The following ABCA12 variants were observed in gnomAD, a reference collection of about 807,000 sequenced individuals.
ABCA12 encodes the protein glucosylceramide transporter ABCA12.
A neutral mutation model predicts 293.5 loss-of-function variants in ABCA12; 156 were observed. The observed-to-expected ratio is 0.53, with a 90% CI of 0.47 to 0.61. ABCA12 has a LOEUF of 0.61. Among genes scored for constraint, ABCA12 ranks in the 20% least tolerant of loss-of-function variants. The probability of loss-of-function intolerance (pLI) is 0.00; values close to 1 mark genes in which losing one functional copy is unlikely to be tolerated. For missense variants in ABCA12, 2,797 were observed against 3,090.2 expected, an observed-to-expected ratio of 0.91 and a Z score of 2.25; for synonymous variants, 1,063 against 1,108.0, an observed-to-expected ratio of 0.96 and a Z score of 0.81.
chr2:214,963,087 G>GAT (rs1373174718), intron 39 of ABCA12: 1 of 151,896 alleles, frequency 6.6e-6, no homozygotes, highest in African/African-American at 2.4e-5. Flanking sequence ...AACTGAAGGA[G>GAT]ATAGAGACAC....
intron 2 of ABCA12, among the ~76,000 whole-genome samples, chr2:215,104,003 G>A (rs184481185): frequency 1.9e-3 from 290 of 152,084 alleles, no homozygotes; most frequent in Middle Eastern, 0.01. Context: ...ATGTTATAAA[G>A]ATGTTATAAA....
At chr2:215,117,555 A>G (rs1031585711) in intron 1 of ABCA12, among the ~76,000 whole-genome samples, 51 of 152,336 alleles carry the variant, frequency 3.3e-4, no homozygotes, top group African/African-American at 1.2e-3. Context: ...CAAATTTCAA[A>G]AACCCGATGT....
In ABCA12 at chr2:215,087,487, C is replaced by CGTGTGTGTGT. The variant is rs3050135; in HGVS notation, c.164-23278_164-23269dup. Among the ~76,000 whole-genome samples the CGTGTGTGTGT allele has an allele frequency of 6.6e-4, 98 of 149,614 alleles. 1 individual carries two copies. The highest frequency in any genetic ancestry group is 1.7e-3 in the African/African-American group (70 of 40,798). Reference sequence around the variant, plus strand: ...CTTACCTAAATGTGCATACAGGCTTCGTGTGTGTGTGTGTGTGTGTGCATG... The same window carrying CGTGTGTGTGT: ...CTTACCTAAATGTGCATACAGGCTTCGTGTGTGTGTGTGTGTGTGTGTGTGTGTGTGCATG... On this transcript the variant is annotated intron_variant, in intron 2 of 52. Coordinates refer to ENST00000272895, the MANE Select transcript of ABCA12 (RefSeq NM_173076.3).
intron 2 of ABCA12, among the ~76,000 whole-genome samples, chr2:215,106,313 C>T (rs1702463541): frequency 6.6e-6 from 1 of 151,444 alleles, no homozygotes; most frequent in South Asian, 2.1e-4. Context: ...TTTTTTTTTC[C>T]CAGAGCTACT....
chr2:214,946,145 T>C (rs1179697141), intron 48 of ABCA12, among the ~76,000 whole-genome samples: 1 of 152,122 alleles, frequency 6.6e-6, no homozygotes, highest in Non-Finnish European at 1.5e-5. Flanking sequence ...GATTTGATCA[T>C]TACATATTGT....
At chr2:215,114,941 G>A (rs921153591) in intron 1 of ABCA12, among the ~76,000 whole-genome samples, 39 of 152,176 alleles carry the variant, frequency 2.6e-4, no homozygotes, top group African/African-American at 8.4e-4. Context: ...CGAGATCAAC[G>A]ATAACAACAT....
At chr2:215,052,442 C>T (rs764934448) in intron 5 of ABCA12, 45 bp downstream of exon 5, 6 of 1,478,104 alleles carry the variant, frequency 4.1e-6, no homozygotes, top group Non-Finnish European at 5.7e-6. Context: ...ACCTAAAAGG[C>T]CTATGTTGAA....
chr2:214,984,612 ACCGAGCTCATGAT>A (rs1699745365), intron 28 of ABCA12, among the ~76,000 whole-genome samples: 2 of 152,042 alleles, frequency 1.3e-5, no homozygotes, highest in African/African-American at 4.8e-5. Flanking sequence ...TATGTTTAAA[ACCGAGCTCATGAT>A]CTTTACCCTA....
chr2:215,007,164 C>T (rs1457410253), intron 19 of ABCA12, among the ~76,000 whole-genome samples: 7 of 152,100 alleles, frequency 4.6e-5, no homozygotes, highest in Non-Finnish European at 8.8e-5. Context: ...CGTGAGCTAC[C>T]GCACCTGGCC....
intron 39 of ABCA12, among the ~76,000 whole-genome samples, chr2:214,961,229 G>C (rs890465076): frequency 6.6e-6 from 1 of 152,002 alleles, no homozygotes; most frequent in African/African-American, 2.4e-5. Flanking sequence ...TACCACTTCC[G>C]TAAGTCTATT....
chr2:214,954,076 C>A lies in ABCA12; in HGVS notation c.6425G>T (p.Arg2142Leu). Reference protein sequence around the residue: ...TLELISETLKRIFLIFPQFCF... With the variant: ...TLELISETLKLIFLIFPQFCF... The stretch of plus-strand genomic sequence containing the variant: ...GAATTGTGGGAAAATCAGGAAAATG[C>A]GCTTGAGGGTTTCAGAAATAAGTTC... The change falls in exon 44 of 53, where the codon CGC (arginine) becomes CTC (leucine). Residue 2142 changes from arginine to leucine, a missense_variant. This residue lies in a region of ABCA12 where 2,130 missense variants were observed against 2,427.0 expected (regional missense o/e 0.88). Transcript: ENST00000272895. The A allele has an allele frequency of 6.2e-7, 1 of 1,613,708 alleles. No individual in the cohort carries two copies. The highest frequency in any genetic ancestry group is 8.5e-7 in the Non-Finnish European group (1 of 1,179,908).
rs751968491 is a variant in ABCA12 at position 215,026,828 on chromosome 2, C to A, written c.1172G>T (p.Gly391Val). The A allele has an allele frequency of 3.7e-6, 6 of 1,603,854 alleles. No individual in the cohort carries two copies. Among genetic ancestry groups the A allele is most frequent in the Non-Finnish European group, 2.6e-6 (3 of 1,170,902 alleles). Residue 391 changes from glycine (G) to valine (V), a missense_variant, in exon 10 of 53, where the codon GGT (glycine) becomes GTT (valine). Coordinates refer to ENST00000272895, the MANE Select transcript of ABCA12 (RefSeq NM_173076.3). ...GTTAAGAACAGTATTACCTGGTGAACCTCTGGCCAAACTGTCAGTCACATT... is the reference window on the plus strand; with the variant it reads ...GTTAAGAACAGTATTACCTGGTGAAACTCTGGCCAAACTGTCAGTCACATT... ...VRNVTDSLAR[G>V]SPENLRLLQS... is the part of the protein sequence containing the mutation.
At chr2:215,075,909 A>T (rs562079922) in intron 2 of ABCA12, among the ~76,000 whole-genome samples, 1 of 152,308 alleles carries the variant, frequency 6.6e-6, no homozygotes, top group South Asian at 2.1e-4. Flanking sequence ...GCAGAAGCTT[A>T]GTCACTTCTT....
At position 214,953,829 on chromosome 2, in the gene ABCA12, A is replaced by G. The variant is rs372815657; in HGVS notation, c.6647+25T>C. The G allele has an allele frequency of 1.9e-6, 3 of 1,610,318 alleles. No homozygotes were observed. In the African/African-American group the frequency reaches 4.0e-5, roughly 22 times the overall value. On this transcript the variant is annotated intron_variant, in intron 44 of 52. Transcript: ENST00000272895. ...GAATTGAGTTCTGTTTTAGATGTCA[A>G]ACGTTATGTTTTCATTATATTTACC...
chr2:214,958,921 T>C lies in ABCA12; in HGVS notation c.5939+103A>G, dbSNP rs372875277. ...GTGACATATTACCAGCCCTTCTAGA[T>C]TGACATTCATTCAGATACAACTGTG... On this transcript the variant is annotated intron_variant, in intron 40 of 52. Coordinates refer to ENST00000272895, the MANE Select transcript of ABCA12 (RefSeq NM_173076.3). 2.4e-4 allele frequency: 293 copies of C among 1,215,518 alleles called. 1 individual carries two copies. Among genetic ancestry groups the C allele is most frequent in the Middle Eastern group, 3.8e-4 (2 of 5,274 alleles). The allele number at this position is 1,215,518 out of a possible 1,614,324, so 75.3% of individuals were successfully genotyped here.
intron 9 of ABCA12, among the ~76,000 whole-genome samples, chr2:215,029,895 G>A (rs896617525): frequency 1.3e-5 from 2 of 152,114 alleles, no homozygotes; most frequent in East Asian, 1.9e-4. Context: ...AAAATAATTA[G>A]GAGAAAGTAG....
intron 14 of ABCA12, 101 bp from the exon 15 acceptor site, chr2:215,015,764 A>C (rs1700480717): frequency 3.7e-6 from 4 of 1,073,514 alleles, no homozygotes; most frequent in Middle Eastern, 2.9e-4. Context: ...AAACTAAAAC[A>C]AAAGGTCCTC....
chr2:215,011,761 ATTCC>A, intron 16 of ABCA12, 112 bp from the exon 17 acceptor site: 1 of 1,201,616 alleles, frequency 8.3e-7, no homozygotes, highest in South Asian at 1.2e-5. Flanking sequence ...AGTTTCCATA[ATTCC>A]TTTTATATGT....
In ABCA12 at chr2:214,997,706, G is replaced by A. The variant is rs755595336; in HGVS notation, c.3283C>T (p.Arg1095Trp). 35 of 1,605,856 alleles carry A rather than the reference G, an allele frequency of 2.2e-5. No individual in the cohort carries two copies. The East Asian group carries it at 2.7e-4, about 12-fold the overall frequency. Residue 1095 changes from arginine (R) to tryptophan (W), a missense_variant, in exon 23 of 53, where the codon CGG (arginine) becomes TGG (tryptophan). By Grantham distance (101) the Arg-to-Trp change is moderately radical. Transcript: ENST00000272895. ...VKKLVYEKDL[R>W]LHEYMKMMGV... The stretch of plus-strand genomic sequence containing the variant: ...GATTTTCAACATACCTCATGAAGCC[G>A]GAGGTCTTTCTCATAGACAAGCTTT...
Sources: allele counts gnomAD v4.1 joint callset (sites outside exome capture counted in the v4.1 genomes callset), GRCh38; gene constraint gnomAD v4.1.1; regional missense constraint gnomAD v4.1.1; transcripts MANE v1.5; gene names NCBI Gene and HGNC (gene_info 2026-07-23, HGNC 2026-07-21).